C5: variants seen among roughly 807,000 people sequenced by gnomAD.
The protein encoded by C5 is C3 and PZP-like alpha-2-macroglobulin domain-containing protein 4.
Under a neutral mutation model 218.8 loss-of-function variants are expected in C5, and 140 were observed. That is an observed-to-expected ratio of 0.64 (90% confidence interval 0.56 to 0.74). The LOEUF (loss-of-function observed/expected upper bound fraction) is 0.74. Among genes scored for constraint, C5 ranks in the 30% least tolerant of loss-of-function variants. The pLI, the probability that C5 is intolerant of heterozygous loss-of-function variation, is 0.00. For missense variants in C5, 1,700 were observed against 1,969.6 expected (o/e 0.86, Z 2.59); for synonymous variants, 614 against 682.3 (o/e 0.90, Z 1.56).
At chr9:121,063,184 G>A in the C5 span, among the ~76,000 whole-genome samples, 1 of 150,448 alleles carries the variant, frequency 6.6e-6, no homozygotes, top group Non-Finnish European at 1.5e-5. Flanking sequence ...CATACCAGAT[G>A]GTCTACAGGT....
the C5 span, among the ~76,000 whole-genome samples, chr9:121,062,371 A>C: frequency 6.7e-6 from 1 of 149,604 alleles, no homozygotes; most frequent in Non-Finnish European, 1.5e-5. Context: ...AGATAAAATT[A>C]TTAATAAATG....
rs139939996 is a variant in C5, at chr9:120,969,098, C to T, written c.4183G>A (p.Gly1395Arg). 1.1e-5 allele frequency: 18 copies of T among 1,613,870 alleles called. No homozygotes were observed. Among genetic ancestry groups the T allele is most frequent in the East Asian group, 2.2e-5 (1 of 44,876 alleles). ...DIEASHYRGYGNSDYKRIVAC... is the reference protein window; with the variant it reads ...DIEASHYRGYRNSDYKRIVAC... ...ACTATGCGTTTGTAATCAGAGTTTC[C>T]GTAGCCTCTGTAGTGGGATGCTGGC... The change falls in exon 33 of 41, where the codon GGA becomes AGA. Residue 1395 changes from glycine to arginine, a missense_variant. Transcript: ENST00000223642.
At chr9:121,035,871 T>C (rs2047519797) in intron 4 of C5, among the ~76,000 whole-genome samples, 1 of 152,068 alleles carries the variant, frequency 6.6e-6, no homozygotes, top group African/African-American at 2.4e-5. Flanking sequence ...CATGAGTCAC[T>C]GACCAGCCTA....
chr9:121,010,816 C>A (rs2047255532), intron 17 of C5, among the ~76,000 whole-genome samples: 1 of 151,996 alleles, frequency 6.6e-6, no homozygotes, highest in Non-Finnish European at 1.5e-5. Context: ...AAAACCCAGA[C>A]AAATCCACAC....
At chr9:121,042,195 G>A (rs903986197) in intron 3 of C5, among the ~76,000 whole-genome samples, 2 of 152,158 alleles carry the variant, frequency 1.3e-5, no homozygotes, top group Admixed American at 6.5e-5. Context: ...AGGGAGAAAC[G>A]GGGGAATGGA....
At chr9:121,014,832 T>A (rs537398601) in intron 16 of C5, among the ~76,000 whole-genome samples, 1 of 152,146 alleles carries the variant, frequency 6.6e-6, no homozygotes, top group African/African-American at 2.4e-5. Flanking sequence ...ATAGAAGTAA[T>A]AGACTTCTAG....
chr9:120,989,165 G>A (rs767687307), intron 24 of C5, 44 bp from the exon 25 acceptor site: 68 of 1,459,602 alleles, frequency 4.7e-5, no homozygotes, highest in South Asian at 2.3e-4. Context: ...ACAGACCTCC[G>A]TTTCTACTCA....
At position 121,021,630 on chromosome 9, in the gene C5, G is replaced by A. The variant is rs760324531; in HGVS notation, c.1181C>T (p.Thr394Ile). The change falls in exon 11 of 41, where the codon ACA becomes ATA. Residue 394 changes from threonine to isoleucine, a missense_variant. Transcript: ENST00000223642. ...GGVPVTLNAQ[T>I]IDVNQETSDL... ...AGATGTCTCTTGGTTTACATCAATT[G>A]TTTGTGCATTCAGTGTTACTGGGAC... 1 of 1,613,776 alleles carries A rather than the reference G, an allele frequency of 6.2e-7. No homozygotes were observed. The highest frequency in any genetic ancestry group is 2.2e-5 in the East Asian group (1 of 44,860).
chr9:120,953,899 A>G, intron 39 of C5, 31 bp from the exon 40 acceptor site: 1 of 1,611,946 alleles, frequency 6.2e-7, no homozygotes, highest in South Asian at 1.1e-5. Flanking sequence ...GTAAGGTTAT[A>G]CCATTCATGT....
chr9:121,059,861 C>G, the C5 span, among the ~76,000 whole-genome samples: 1 of 152,208 alleles, frequency 6.6e-6, no homozygotes, highest in Non-Finnish European at 1.5e-5. The surrounding 1 kb of genome is among the most constrained non-coding windows in gnomAD (Gnocchi z 4.1). Context: ...GAAGTGAATC[C>G]TCCAGCCCTA....
chr9:121,009,213 A>G (rs2047241546), intron 17 of C5, among the ~76,000 whole-genome samples: 2 of 152,194 alleles, frequency 1.3e-5, no homozygotes, highest in Admixed American at 1.3e-4. Context: ...ATAAAAATGG[A>G]CTGAACTTCT....
intron 33 of C5, among the ~76,000 whole-genome samples, chr9:120,967,051 G>C (rs1220772342): frequency 6.6e-6 from 1 of 151,986 alleles, no homozygotes; most frequent in Non-Finnish European, 1.5e-5. Context: ...GCTGAGGTTA[G>C]GAGTTCAAGA....
chr9:120,959,498 T>G (rs1242902541), intron 38 of C5, among the ~76,000 whole-genome samples: 1 of 152,032 alleles, frequency 6.6e-6, no homozygotes, highest in Non-Finnish European at 1.5e-5. Flanking sequence ...TGACCTCAGG[T>G]GATCCACCCA....
intron 39 of C5, chr9:120,956,922 T>C: frequency 6.1e-6 from 2 of 326,474 alleles, no homozygotes; most frequent in South Asian, 5.4e-5. Flanking sequence ...TTGGGTACTA[T>C]GCTTATTACC....
At chr9:121,018,892 G>C (rs575224573) in intron 12 of C5, among the ~76,000 whole-genome samples, 6 of 151,942 alleles carry the variant, frequency 3.9e-5, no homozygotes, top group Non-Finnish European at 4.4e-5. Context: ...ATCAATAAGA[G>C]GAATATTATT....
chr9:120,964,763 G>T (rs1019127031), intron 33 of C5, among the ~76,000 whole-genome samples: 4 of 152,148 alleles, frequency 2.6e-5, no homozygotes, highest in Non-Finnish European at 5.9e-5. Context: ...TTTTATTCCA[G>T]TTCTGAGATT....
chr9:121,030,058 C>T (rs976372841), intron 7 of C5, among the ~76,000 whole-genome samples: 10 of 152,098 alleles, frequency 6.6e-5, no homozygotes, highest in African/African-American at 1.7e-4. Flanking sequence ...CATTAGCTGG[C>T]TGATTAAATC....
intron 40 of C5, 50 bp from the exon 41 acceptor site, chr9:120,952,918 A>C (rs2046755861): frequency 6.2e-7 from 1 of 1,604,080 alleles, no homozygotes; most frequent in African/African-American, 1.3e-5. Context: ...AGAAAAGCTG[A>C]ATTTGATTTC....
At chr9:121,036,944 C>T (rs1776491168) in intron 4 of C5, among the ~76,000 whole-genome samples, 1 of 151,768 alleles carries the variant, frequency 6.6e-6, no homozygotes, top group Non-Finnish European at 1.5e-5. Flanking sequence ...TAGTAGTATA[C>T]CTACTGTTAA....
Sources: gnomAD v4.1 joint callset for allele counts (sites outside exome capture counted in the v4.1 genomes callset) on GRCh38, gnomAD v4.1.1 for gene constraint, Gnocchi (gnomAD v3.1) non-coding constraint, MANE v1.5 for transcripts, NCBI Gene and HGNC (gene_info 2026-07-23, HGNC 2026-07-21) for gene names.